Variants in MOGAT2 observed in about 807,000 individuals in gnomAD.
MOGAT2 encodes 2-acylglycerol O-acyltransferase 2.
In MOGAT2, 27 loss-of-function variants were observed where a neutral mutation model predicts 31.5. That is an observed-to-expected ratio of 0.86 (90% CI 0.63 to 1.18). MOGAT2 has a LOEUF of 1.18. MOGAT2 is among the 50% of genes most tolerant of loss of function. The pLI is 0.00. For missense variants in MOGAT2, 436 were observed against 433.2 expected (o/e 1.01, Z -0.06); for synonymous variants, 163 against 170.0 (o/e 0.96, Z 0.32).
chr11:75,723,542 G>C (rs527990356), intron 2 of MOGAT2, among the ~76,000 whole-genome samples: 30 of 150,842 alleles, frequency 2.0e-4, no homozygotes, highest in African/African-American at 6.8e-4. Context: ...CAATCCTCCT[G>C]CCTCAGCCTC....
In MOGAT2 at chr11:75,727,600, T is replaced by C; in HGVS notation, c.436T>C (p.Phe146Leu). The change falls in exon 3 of 6, where the codon TTC becomes CTC. Residue 146 changes from phenylalanine (F) to leucine (L), a missense_variant. Physicochemically the swap from Phe to Leu is conservative, Grantham distance 22 (BLOSUM62 0). Transcript: ENST00000198801. Reference sequence around the variant, plus strand: ...CCATCTGATGATGCTGACCTTGTGGTTCCGGGCCCCCTTCTTCAGAGATTA... The same window carrying C: ...CCATCTGATGATGCTGACCTTGTGGCTCCGGGCCCCCTTCTTCAGAGATTA... ...RPHLMMLTLWFRAPFFRDYIM... is the reference protein window; with the variant it reads ...RPHLMMLTLWLRAPFFRDYIM... 2 of 1,614,158 alleles carry C rather than the reference T, an allele frequency of 1.2e-6. No homozygotes were observed. Among genetic ancestry groups the C allele is most frequent in the Non-Finnish European group, 8.5e-7 (1 of 1,180,006 alleles).
In MOGAT2 at chr11:75,726,856, G is replaced by A. The variant is rs1377722404; in HGVS notation, c.271-579G>A. 3.3e-5 allele frequency among the ~76,000 whole-genome samples: 5 copies of A among 151,848 alleles called. 1 individual carries two copies. The highest frequency in any genetic ancestry group is 2.6e-4 in the Admixed American group (4 of 15,232). ...TGGGATTACAGGTGCCCGCCACCAC[G>A]CCCAGCTAATTTTTGTATTTTTAGT... On this transcript the variant is annotated intron_variant, in intron 2 of 5. Coordinates refer to ENST00000198801, the MANE Select transcript of MOGAT2 (RefSeq NM_025098.4).
chr11:75,724,555 G>A (rs1472156205), intron 2 of MOGAT2, among the ~76,000 whole-genome samples: 7 of 152,136 alleles, frequency 4.6e-5, no homozygotes, highest in East Asian at 1.9e-4. Context: ...CCAGCTACTC[G>A]GGAGGCTAAG....
Position 75,731,214 on chromosome 11 carries a change from G to T in MOGAT2, c.933G>T (p.Glu311Asp), listed in dbSNP as rs144383771. ...VNQLHQRYIKELCNLFEAHKL... is the reference protein window; with the variant it reads ...VNQLHQRYIKDLCNLFEAHKL... ...AGCTGCACCAGCGTTATATCAAAGAGCTGTGCAACCTCTTCGAGGCCCACA... is the reference window on the plus strand; with the variant it reads ...AGCTGCACCAGCGTTATATCAAAGATCTGTGCAACCTCTTCGAGGCCCACA... Residue 311 changes from glutamate to aspartate, a missense_variant, in exon 6 of 6, where the codon GAG becomes GAT. Coordinates refer to ENST00000198801, the MANE Select transcript of MOGAT2 (RefSeq NM_025098.4). 6.2e-7 allele frequency: 1 copy of T among 1,614,144 alleles called. No homozygotes were observed. Among genetic ancestry groups the T allele is most frequent in the African/African-American group, 1.3e-5 (1 of 75,014 alleles).
chr11:75,724,389 A>T (rs1944401697), intron 2 of MOGAT2, among the ~76,000 whole-genome samples: 1 of 152,220 alleles, frequency 6.6e-6, no homozygotes. Flanking sequence ...GCACAGAAAG[A>T]TACCAATAGA....
At position 75,728,008 on chromosome 11, in the gene MOGAT2, C is replaced by T. The variant is rs1033718862; in HGVS notation, c.514C>T (p.Leu172=). The stretch of plus-strand genomic sequence containing the variant: ...AGAAAAGGAGAGTGCTGCTCACATT[C>T]TGAACAGGAAGGGTGGCGGAAACTT... The part of the protein sequence containing the change: ...TSEKESAAHI[L]NRKGGGNLLG... Residue 172 remains leucine (L), a synonymous_variant, in exon 4 of 6, where the codon CTG becomes TTG. Coordinates refer to ENST00000198801, the MANE Select transcript of MOGAT2 (RefSeq NM_025098.4). 1.1e-5 allele frequency: 18 copies of T among 1,613,706 alleles called. No individual in the cohort carries two copies. The highest frequency in any genetic ancestry group is 1.5e-5 in the Non-Finnish European group (18 of 1,179,750).
rs1944344898 is a variant in MOGAT2 at position 75,718,033 on chromosome 11, G to A, written c.91+54G>A. Reference sequence around the variant, plus strand: ...GACCACCGCACTCAGGTGGGGCAGAGCAGCCACACCAGGTGCACACAGCAC... The same window carrying A: ...GACCACCGCACTCAGGTGGGGCAGAACAGCCACACCAGGTGCACACAGCAC... On this transcript the variant is annotated intron_variant, in intron 1 of 5. Coordinates refer to ENST00000198801, the MANE Select transcript of MOGAT2 (RefSeq NM_025098.4). 6 of 1,525,268 alleles carry A rather than the reference G, an allele frequency of 3.9e-6. No homozygotes were observed. In the East Asian group the frequency reaches 6.8e-5, roughly 17 times the overall value. 94.5% of individuals were successfully genotyped at this position (1,525,268 alleles called of 1,614,324 possible). A position where few individuals can be genotyped will look rare whatever the true frequency, so the allele number is the denominator to read the frequency against.
At chr11:75,725,986 C>T (rs534432987) in intron 2 of MOGAT2, among the ~76,000 whole-genome samples, 4 of 152,188 alleles carry the variant, frequency 2.6e-5, no homozygotes, top group Non-Finnish European at 5.9e-5. Context: ...CCACCCACAG[C>T]GATAGTCTTT....
Position 75,728,774 on chromosome 11 carries a change from C to T in MOGAT2, c.651-16C>T, listed in dbSNP as rs748057657. The T allele has an allele frequency of 5.0e-6, 8 of 1,612,434 alleles. No individual in the cohort carries two copies. The highest frequency in any genetic ancestry group is 6.8e-6 in the Non-Finnish European group (8 of 1,179,000). The stretch of plus-strand genomic sequence containing the variant: ...TGGGGCCTCCCACATGCCCTCTTTC[C>T]TCTATTTGTCTCCAGGGCACCCCTG... On this transcript the variant is annotated splice_polypyrimidine_tract_variant and intron_variant, in intron 4 of 5. Transcript: ENST00000198801.
At chr11:75,726,132 C>A (rs187168478) in intron 2 of MOGAT2, among the ~76,000 whole-genome samples, 97 of 152,352 alleles carry the variant, frequency 6.4e-4, no homozygotes, top group Middle Eastern at 3.4e-3. Flanking sequence ...CTCACTCAAT[C>A]TACAACGTCC....
intron 2 of MOGAT2, among the ~76,000 whole-genome samples, chr11:75,720,827 C>A (rs7940953): frequency 6.6e-6 from 1 of 152,046 alleles, no homozygotes; most frequent in Non-Finnish European, 1.5e-5. Context: ...TCTGGCTTTC[C>A]GACTCCTGTC....
chr11:75,730,519 T>C (rs1205924568), intron 5 of MOGAT2, among the ~76,000 whole-genome samples: 2 of 152,200 alleles, frequency 1.3e-5, no homozygotes, highest in Non-Finnish European at 2.9e-5. Context: ...CTGAGCCTCA[T>C]TGACTCATCT....
In MOGAT2 at chr11:75,727,980, A is replaced by T. The variant is rs771724897; in HGVS notation, c.486A>T (p.Thr162=). ...TTTCTCTTTCCCTAGGGTTGGTCAC[A>T]TCAGAAAAGGAGAGTGCTGCTCACA... ...RDYIMSAGLV[T]SEKESAAHIL... Residue 162 remains threonine (T), a synonymous_variant, in exon 4 of 6, where the codon ACA becomes ACT. Coordinates refer to ENST00000198801, the MANE Select transcript of MOGAT2 (RefSeq NM_025098.4). The T allele has an allele frequency of 1.2e-6, 2 of 1,609,310 alleles. No homozygotes were observed. The highest frequency in any genetic ancestry group is 2.2e-5 in the South Asian group (2 of 90,538).
In MOGAT2 at chr11:75,728,964, C is replaced by CAG; in HGVS notation, c.825_826insAG (p.Tyr276SerfsTer27). 1 of 1,613,914 alleles carries CAG rather than the reference C, an allele frequency of 6.2e-7. No individual in the cohort carries two copies. The highest frequency in any genetic ancestry group is 8.5e-7 in the Non-Finnish European group (1 of 1,180,030). ...TCCAGTACAGCTTTGGTTTAATACC[C>CAG]TACCGCCGGCCCATCACCACTGTGG... On this transcript the variant is annotated frameshift_variant, in exon 5 of 6. Coordinates refer to ENST00000198801, the MANE Select transcript of MOGAT2 (RefSeq NM_025098.4). LOFTEE classifies it high-confidence loss of function.
Position 75,717,872 on chromosome 11 carries a change from C to G in MOGAT2, c.-17C>G. 1 of 1,613,178 alleles carries G rather than the reference C, an allele frequency of 6.2e-7. No homozygotes were observed. The highest frequency in any genetic ancestry group is 8.5e-7 in the Non-Finnish European group (1 of 1,179,474). On this transcript the variant is annotated 5_prime_UTR_variant, in exon 1 of 6. Coordinates refer to ENST00000198801, the MANE Select transcript of MOGAT2 (RefSeq NM_025098.4). The stretch of plus-strand genomic sequence containing the variant: ...CAGAGCTCACAGAACCTGCGGGAGC[C>G]AGGCTGACCCGCCAGCATGGTAGAG...
intron 1 of MOGAT2, among the ~76,000 whole-genome samples, chr11:75,718,846 A>G (rs1434057564): frequency 6.6e-6 from 1 of 152,088 alleles, no homozygotes; most frequent in Non-Finnish European, 1.5e-5. Flanking sequence ...ATCTGCTGGC[A>G]CCAGACAAGG....
chr11:75,721,101 G>A (rs1253230471), intron 2 of MOGAT2, among the ~76,000 whole-genome samples: 5 of 152,016 alleles, frequency 3.3e-5, no homozygotes, highest in Non-Finnish European at 5.9e-5. Flanking sequence ...GTAAGATATG[G>A]CCCGTGGAGA....
intron 4 of MOGAT2, chr11:75,728,585 T>C (rs1372745961): frequency 3.3e-6 from 2 of 600,254 alleles, no homozygotes; most frequent in Admixed American, 2.9e-5. Flanking sequence ...AACTGGGAAG[T>C]TGTGGCCCTG....
At position 75,731,821 on chromosome 11, in the gene MOGAT2, G is replaced by A. The variant is rs1046227415; in HGVS notation, c.*535G>A. 6.6e-6 allele frequency: 1 copy of A among 152,486 alleles called. No individual in the cohort carries two copies. The highest frequency in any genetic ancestry group is 2.4e-5 in the African/African-American group (1 of 41,414). The allele number at this position is 152,486 out of a possible 1,614,324, so 9.4% of individuals were successfully genotyped here. On this transcript the variant is annotated 3_prime_UTR_variant, in exon 6 of 6. Transcript: ENST00000198801. ...ACCAAAACTTAAAAACTAAAAGCCT[G>A]AAGCACAAGCACTCTCCACCCCAGG...
Sources: gnomAD v4.1 joint callset for allele counts (sites outside exome capture counted in the v4.1 genomes callset) on GRCh38, gnomAD v4.1.1 for gene constraint, MANE v1.5 for transcripts, NCBI Gene and HGNC (gene_info 2026-07-23, HGNC 2026-07-21) for gene names.